Variants in SEMA6D observed in about 807,000 individuals in gnomAD.
The protein encoded by SEMA6D is semaphorin-6D.
Under a neutral mutation model 106.6 loss-of-function variants are expected in SEMA6D, and 35 were observed. The ratio of observed to expected loss-of-function variants is 0.33; its 90% CI spans 0.25 to 0.44. The LOEUF (loss-of-function observed/expected upper bound fraction) is 0.44, where lower values mean the gene tolerates loss of function less well. Among genes scored for constraint, SEMA6D ranks in the 20% least tolerant of loss-of-function variants. The pLI is 1.00. For synonymous variants in SEMA6D, 499 were observed against 487.7 expected, an observed-to-expected ratio of 1.02 and a Z score of -0.31; for missense variants, 1,185 against 1,345.9, an observed-to-expected ratio of 0.88 and a Z score of 1.87.
At chr15:47,763,679 G>A (rs1011110934) in intron 9 of SEMA6D, among the ~76,000 whole-genome samples, 171 bp from the exon 10 acceptor site, 4 of 152,170 alleles carry the variant, frequency 2.6e-5, no homozygotes, top group African/African-American at 7.2e-5. Flanking sequence ...TTCCCCACAG[G>A]TGAATCTAGT....
intron 4 of SEMA6D, among the ~76,000 whole-genome samples, chr15:47,638,737 C>T (rs1395176659): frequency 6.6e-6 from 1 of 152,196 alleles, no homozygotes; most frequent in East Asian, 1.9e-4. Flanking sequence ...GAGGCGCTTC[C>T]TCTCTGCTCT....
chr15:47,262,128 G>A (rs1237145086), intron 1 of SEMA6D, among the ~76,000 whole-genome samples: 1 of 152,020 alleles, frequency 6.6e-6, no homozygotes, highest in African/African-American at 2.4e-5. Context: ...GCTAACTAGG[G>A]AGGTAAAAAA....
At chr15:47,736,038 A>G (rs1346722527) in intron 1 of SEMA6D, among the ~76,000 whole-genome samples, 1 of 152,186 alleles carries the variant, frequency 6.6e-6, no homozygotes, top group Non-Finnish European at 1.5e-5. Flanking sequence ...GCCTCTTAAA[A>G]TTTGTTATCC....
At chr15:47,214,410 A>T (rs926801849) in intron 1 of SEMA6D, among the ~76,000 whole-genome samples, 1 of 152,156 alleles carries the variant, frequency 6.6e-6, no homozygotes, top group African/African-American at 2.4e-5. Flanking sequence ...ATGGAAAAGG[A>T]GGAAAAGGTC....
At chr15:47,274,551 A>T (rs2142334534) in intron 1 of SEMA6D, among the ~76,000 whole-genome samples, 1 of 152,342 alleles carries the variant, frequency 6.6e-6, no homozygotes, top group South Asian at 2.1e-4. Context: ...AGCTAAGAAA[A>T]GTTGAAAAGG....
At chr15:47,348,794 A>C (rs1033639475) in intron 1 of SEMA6D, among the ~76,000 whole-genome samples, 4 of 147,588 alleles carry the variant, frequency 2.7e-5, no homozygotes, top group Non-Finnish European at 5.9e-5. Context: ...AGACCAGATC[A>C]ACAGTGATGA....
intron 1 of SEMA6D, among the ~76,000 whole-genome samples, chr15:47,726,976 G>T (rs1370725677): frequency 6.6e-6 from 1 of 152,156 alleles, no homozygotes; most frequent in Non-Finnish European, 1.5e-5. Context: ...AGAAGGAGAG[G>T]TTCAGTGGGC....
chr15:47,467,134 A>G (rs2042688054), intron 2 of SEMA6D, among the ~76,000 whole-genome samples: 1 of 152,102 alleles, frequency 6.6e-6, no homozygotes, highest in South Asian at 2.1e-4. Context: ...CACAAGGATA[A>G]TAATTTTTGT....
In SEMA6D at chr15:47,372,328, C is replaced by T. The variant is rs140618244; in HGVS notation, c.-238-40065C>T. Reference sequence around the variant, plus strand: ...TCAGGCAAGGAAGAGATCAGACATACCTGGCCTGGGACACTCTCTGACAGG... The same window carrying T: ...TCAGGCAAGGAAGAGATCAGACATATCTGGCCTGGGACACTCTCTGACAGG... On this transcript the variant is annotated intron_variant, in intron 1 of 19. Coordinates refer to the SEMA6D transcript ENST00000558014. Among the ~76,000 whole-genome samples, 565 of 152,326 alleles carry T rather than the reference C, an allele frequency of 3.7e-3. 4 individuals carry two copies. The highest frequency in any genetic ancestry group is 0.013 in the African/African-American group (545 of 41,554).
intron 1 of SEMA6D, among the ~76,000 whole-genome samples, chr15:47,358,215 AATG>A (rs1345589223): frequency 6.6e-6 from 1 of 152,150 alleles, no homozygotes; most frequent in Non-Finnish European, 1.5e-5. Context: ...CTTTGAATAA[AATG>A]ATGTTAGTGT....
rs145542064 is a variant in SEMA6D, at chr15:47,537,152, A to T, written c.-86-63713A>T. Among the ~76,000 whole-genome samples, 11 of 152,334 alleles carry T rather than the reference A, an allele frequency of 7.2e-5. No homozygotes were observed. The East Asian group carries it at 1.9e-3, about 27-fold the overall frequency. The stretch of plus-strand genomic sequence containing the variant: ...ATTTGGAAAAATCACAATAAATAAG[A>T]ATTAATTTTATAGTCAGAAAGTGAG... On this transcript the variant is annotated intron_variant, in intron 3 of 19. Transcript: ENST00000558014.
chr15:47,667,809 G>A (rs1254304648), intron 4 of SEMA6D, among the ~76,000 whole-genome samples: 1 of 152,122 alleles, frequency 6.6e-6, no homozygotes, highest in Admixed American at 6.5e-5. Context: ...ATGAATTTGG[G>A]GGGATGTAAA....
At chr15:47,676,753 T>C (rs748091921) in intron 4 of SEMA6D, among the ~76,000 whole-genome samples, 2 of 152,042 alleles carry the variant, frequency 1.3e-5, no homozygotes, top group Non-Finnish European at 2.9e-5. Flanking sequence ...AACACATAGA[T>C]CTTGAAACAG....
intron 1 of SEMA6D, among the ~76,000 whole-genome samples, chr15:47,724,917 G>A (rs1008971486): frequency 2.0e-5 from 3 of 152,170 alleles, no homozygotes; most frequent in East Asian, 1.9e-4. Flanking sequence ...ACACATGAAC[G>A]TTGCAAGGAG....
At chr15:47,514,244 A>G (rs1171269708) in intron 3 of SEMA6D, among the ~76,000 whole-genome samples, 1 of 152,228 alleles carries the variant, frequency 6.6e-6, no homozygotes, top group Non-Finnish European at 1.5e-5. Flanking sequence ...GAACACCAGG[A>G]AATGAACCAG....
chr15:47,492,998 A>G (rs2141461425), intron 3 of SEMA6D, among the ~76,000 whole-genome samples: 2 of 152,232 alleles, frequency 1.3e-5, no homozygotes, highest in South Asian at 2.1e-4. Flanking sequence ...AAAAACTAAG[A>G]GCTTACTCCT....
At chr15:47,517,071 A>T (rs998091418) in intron 3 of SEMA6D, among the ~76,000 whole-genome samples, 9 of 152,130 alleles carry the variant, frequency 5.9e-5, no homozygotes, top group Non-Finnish European at 1.2e-4. Context: ...CTGCACTTCT[A>T]GGAAAAGTAA....
At chr15:47,290,842 A>G (rs1239566023) in intron 1 of SEMA6D, among the ~76,000 whole-genome samples, 4 of 152,232 alleles carry the variant, frequency 2.6e-5, no homozygotes, top group African/African-American at 7.2e-5. Flanking sequence ...GCATGGGTGC[A>G]TAGAGTAAGT....
chr15:47,250,952 TA>T (rs2033482509), intron 1 of SEMA6D, among the ~76,000 whole-genome samples: 1 of 152,242 alleles, frequency 6.6e-6, no homozygotes, highest in South Asian at 2.1e-4. Context: ...CGATTTTAAA[TA>T]ATTAATGCAT....
Sources: allele counts gnomAD v4.1 joint callset (sites outside exome capture counted in the v4.1 genomes callset), GRCh38; gene constraint gnomAD v4.1.1; transcripts MANE v1.5; gene names NCBI Gene and HGNC (gene_info 2026-07-23, HGNC 2026-07-21).